Variants in CDH18 observed in about 807,000 individuals in gnomAD.
CDH18 encodes the protein cadherin-18.
A neutral mutation model predicts 67.9 loss-of-function variants in CDH18; 31 were observed. The observed-to-expected ratio is 0.46, with a 90% confidence interval of 0.34 to 0.62. The LOEUF is 0.62. Ranked by LOEUF, CDH18 falls within the 20% of genes least tolerant of loss-of-function variation. CDH18 has a pLI of 0.01. For missense variants in CDH18, 890 were observed against 975.5 expected, an observed-to-expected ratio of 0.91 and a Z score of 1.17; for synonymous variants, 362 against 347.2, an observed-to-expected ratio of 1.04 and a Z score of -0.48.
chr5:19,777,943 AAG>A (rs1774589215), intron 3 of CDH18, among the ~76,000 whole-genome samples: 1 of 152,202 alleles, frequency 6.6e-6, no homozygotes, highest in Non-Finnish European at 1.5e-5. Flanking sequence ...AAAAGGCAAT[AAG>A]AGAATAATAT....
rs149298536 is a variant in CDH18 at position 20,269,888 on chromosome 5, A to C, written c.-579-14383T>G. 1.8e-3 allele frequency among the ~76,000 whole-genome samples: 274 copies of C among 152,198 alleles called. 2 individuals carry two copies. The highest frequency in any genetic ancestry group is 6.3e-3 in the African/African-American group (263 of 41,570). On this transcript the variant is annotated intron_variant, in intron 1 of 14. Transcript: ENST00000507958. ...ATATGTATACAAATGGAAAGGAGAT[A>C]AAGAAAATGTACAGAATTCAAAAAT...
chr5:20,124,678 C>A (rs1254522980), intron 2 of CDH18, among the ~76,000 whole-genome samples: 2 of 152,052 alleles, frequency 1.3e-5, no homozygotes, highest in Non-Finnish European at 2.9e-5. Context: ...CGTCCAAGTA[C>A]GCTAGAATGT....
chr5:19,547,709 T>A (rs1345300781), intron 8 of CDH18, among the ~76,000 whole-genome samples: 3 of 152,220 alleles, frequency 2.0e-5, no homozygotes, highest in Admixed American at 2.0e-4. Flanking sequence ...TAGGCATGCA[T>A]CTTTAGACTC....
intron 2 of CDH18, among the ~76,000 whole-genome samples, chr5:19,928,351 G>A (rs1055136013): frequency 1.3e-5 from 2 of 152,028 alleles, no homozygotes; most frequent in African/African-American, 2.4e-5. Context: ...AGAAGGCCCG[G>A]CACACAGAAA....
intron 2 of CDH18, among the ~76,000 whole-genome samples, chr5:19,892,489 T>C (rs1018697037): frequency 1.3e-5 from 2 of 152,158 alleles, no homozygotes; most frequent in African/African-American, 4.8e-5. Flanking sequence ...GAATGACTTA[T>C]TTAGCTAAGA....
intron 3 of CDH18, among the ~76,000 whole-genome samples, chr5:19,795,768 G>T (rs1225052648): frequency 6.6e-6 from 1 of 152,034 alleles, no homozygotes; most frequent in Non-Finnish European, 1.5e-5. Context: ...ACACCGCAAT[G>T]AACCAATTAC....
rs115155250 is a variant in CDH18 at position 20,333,772 on chromosome 5, C to T, written c.-579-78267G>A. On this transcript the variant is annotated intron_variant, in intron 1 of 14. Transcript: ENST00000507958. ...CCTTGACTCCAAAATAGTTCATTTC[C>T]ACCTGGAAGCATTATCTTTTCTAGC... 3.0e-3 allele frequency among the ~76,000 whole-genome samples: 457 copies of T among 152,102 alleles called. 5 individuals carry two copies. The highest frequency in any genetic ancestry group is 0.01 in the African/African-American group (435 of 41,490).
At chr5:20,211,312 G>C (rs1283480575) in intron 2 of CDH18, among the ~76,000 whole-genome samples, 1 of 152,200 alleles carries the variant, frequency 6.6e-6, no homozygotes, top group East Asian at 1.9e-4. Flanking sequence ...CCACCTCTGG[G>C]GGTAGGACAT....
At chr5:20,305,747 A>T (rs758692574) in intron 1 of CDH18, 2 of 332,026 alleles carry the variant, frequency 6.0e-6, no homozygotes, top group Non-Finnish European at 1.1e-5. Context: ...AACCGCGCCG[A>T]ACACGCTTTG....
intron 1 of CDH18, among the ~76,000 whole-genome samples, chr5:20,485,697 A>G (rs1012948235): frequency 6.6e-6 from 1 of 150,770 alleles, no homozygotes; most frequent in Non-Finnish European, 1.5e-5. Context: ...TTTCAGGCTC[A>G]TGGGTGAAAA....
chr5:20,333,526 T>TACACACACAC (rs1452450309), intron 1 of CDH18, among the ~76,000 whole-genome samples: 35 of 111,776 alleles, frequency 3.1e-4, no homozygotes, highest in African/African-American at 9.6e-4. Context: ...AAACAATATA[T>TACACACACAC]ATACACACAC....
chr5:19,649,934 G>GT (rs1755336442), intron 5 of CDH18, among the ~76,000 whole-genome samples: 1 of 151,814 alleles, frequency 6.6e-6, no homozygotes, highest in South Asian at 2.1e-4. Context: ...AGTCAATACT[G>GT]TTTTCTCATC....
intron 1 of CDH18, among the ~76,000 whole-genome samples, chr5:20,450,180 A>G (rs1750325795): frequency 2.0e-5 from 3 of 152,064 alleles, no homozygotes; most frequent in Non-Finnish European, 4.4e-5. Context: ...TTTACTAAAA[A>G]TAATTAAAAC....
intron 5 of CDH18, among the ~76,000 whole-genome samples, chr5:19,659,287 A>C (rs1444047132): frequency 6.6e-6 from 1 of 152,148 alleles, no homozygotes; most frequent in Non-Finnish European, 1.5e-5. Flanking sequence ...TGCTTTGTTA[A>C]ATTACGTTCA....
chr5:20,566,660 C>T (rs986473864), intron 1 of CDH18, among the ~76,000 whole-genome samples: 1 of 151,478 alleles, frequency 6.6e-6, no homozygotes, highest in Non-Finnish European at 1.5e-5. Context: ...CAAGTGTGAG[C>T]CACTGCACCC....
At chr5:20,532,513 T>C (rs1312673154) in intron 1 of CDH18, among the ~76,000 whole-genome samples, 2 of 152,200 alleles carry the variant, frequency 1.3e-5, no homozygotes. Flanking sequence ...CAACCTCACA[T>C]GACCTTCTTT....
At chr5:19,697,976 G>GGCAAGT (rs1280116938) in intron 5 of CDH18, among the ~76,000 whole-genome samples, 23 of 152,222 alleles carry the variant, frequency 1.5e-4, no homozygotes, top group African/African-American at 5.5e-4. Flanking sequence ...AAATTCACAT[G>GGCAAGT]GAATCTTTCT....
At chr5:19,818,120 C>T (rs896817469) in intron 3 of CDH18, among the ~76,000 whole-genome samples, 1 of 152,086 alleles carries the variant, frequency 6.6e-6, no homozygotes, top group African/African-American at 2.4e-5. Flanking sequence ...GAACCCTGAT[C>T]TAAACCATAA....
At chr5:19,974,156 G>A (rs1165295019) in intron 2 of CDH18, among the ~76,000 whole-genome samples, 2 of 152,014 alleles carry the variant, frequency 1.3e-5, no homozygotes, top group East Asian at 1.9e-4. Flanking sequence ...AAGGTGTAAA[G>A]GATCTTTCTC....
Sources: allele counts gnomAD v4.1 joint callset (sites outside exome capture counted in the v4.1 genomes callset), GRCh38; gene constraint gnomAD v4.1.1; transcripts MANE v1.5; gene names NCBI Gene and HGNC (gene_info 2026-07-23, HGNC 2026-07-21).